MUCL1: variants seen among roughly 807,000 people sequenced by gnomAD.
MUCL1 encodes mucin-like protein 1.
A neutral mutation model predicts 9.2 loss-of-function variants in MUCL1; 11 were observed. The ratio of observed to expected loss-of-function variants is 1.19; its 90% CI spans 0.75 to 1.97. The LOEUF (loss-of-function observed/expected upper bound fraction) is 1.97. Among genes scored for constraint, MUCL1 ranks in the 30% most tolerant of loss-of-function variants. The pLI is 0.00. For synonymous variants in MUCL1, 48 were observed against 40.5 expected (o/e 1.19, Z -0.71); for missense variants, 144 against 110.9 (o/e 1.30, Z -1.34).
chr12:54,855,759 T>C (rs1868293970), intron 2 of MUCL1, among the ~76,000 whole-genome samples: 1 of 152,218 alleles, frequency 6.6e-6, no homozygotes, highest in Admixed American at 6.5e-5. Flanking sequence ...TTCTGTACTG[T>C]GTGTGTGTTG....
chr12:54,831,456 A>G (rs1959185253), intron 1 of MUCL1, among the ~76,000 whole-genome samples: 1 of 152,238 alleles, frequency 6.6e-6, no homozygotes, highest in South Asian at 2.1e-4. Context: ...AGAAACATAC[A>G]TTTATATTCT....
intron 2 of MUCL1, among the ~76,000 whole-genome samples, chr12:54,855,983 T>G (rs113552623): frequency 3.9e-4 from 60 of 152,318 alleles, no homozygotes; most frequent in African/African-American, 1.3e-3. Context: ...TTTGCTGAGG[T>G]GAGTCTAACT....
At chr12:54,832,032 G>A (rs759685346) in intron 1 of MUCL1, among the ~76,000 whole-genome samples, 1 of 152,046 alleles carries the variant, frequency 6.6e-6, no homozygotes, top group Non-Finnish European at 1.5e-5. Flanking sequence ...CGAGTATGAA[G>A]GATGTGTTTT....
upstream of MUCL1, among the ~76,000 whole-genome samples, chr12:54,834,775 G>A (rs552519918): frequency 5.6e-4 from 85 of 151,964 alleles, no homozygotes; most frequent in Middle Eastern, 3.4e-3. Flanking sequence ...AATTTTGGGG[G>A]TAAAAGTGGT....
At chr12:54,855,307 T>C (rs984125380) in intron 2 of MUCL1, 150 bp downstream of exon 2, 2 of 663,828 alleles carry the variant, frequency 3.0e-6, no homozygotes, top group Non-Finnish European at 5.3e-6. Flanking sequence ...GATTTTAAAA[T>C]TCACCACAAA....
chr12:54,844,186 T>C (rs1428984554), intron 1 of MUCL1, among the ~76,000 whole-genome samples: 1 of 152,202 alleles, frequency 6.6e-6, no homozygotes, highest in South Asian at 2.1e-4. Context: ...ATAAGATGAA[T>C]GTTTTTTCCT....
chr12:54,849,860 A>G (rs1268448628), upstream of MUCL1, among the ~76,000 whole-genome samples: 1 of 152,184 alleles, frequency 6.6e-6, no homozygotes, highest in Non-Finnish European at 1.5e-5. Context: ...ATATTATCAA[A>G]ATCCAATAAC....
chr12:54,851,903 C>T (rs928426914), upstream of MUCL1, among the ~76,000 whole-genome samples: 6 of 152,052 alleles, frequency 3.9e-5, no homozygotes, highest in African/African-American at 1.4e-4. Context: ...ACTCCCATTC[C>T]CAATTGCTTC....
upstream of MUCL1, among the ~76,000 whole-genome samples, chr12:54,851,465 G>A (rs970985877): frequency 7.3e-5 from 11 of 150,914 alleles, no homozygotes; most frequent in South Asian, 2.1e-4. Flanking sequence ...ACAACCCTTC[G>A]TGCTAAAAAC....
upstream of MUCL1, among the ~76,000 whole-genome samples, chr12:54,851,326 T>C (rs958415730): frequency 6.6e-6 from 1 of 152,192 alleles, no homozygotes; most frequent in Non-Finnish European, 1.5e-5. Context: ...CATCTTAAAT[T>C]AATCTCTGGG....
upstream of MUCL1, among the ~76,000 whole-genome samples, chr12:54,852,264 A>T (rs2135945209): frequency 6.6e-6 from 1 of 152,312 alleles, no homozygotes; most frequent in Non-Finnish European, 1.5e-5. Context: ...CTATACTACA[A>T]GGCTACAATA....
chr12:54,852,168 T>C (rs1326600264), upstream of MUCL1, among the ~76,000 whole-genome samples: 1 of 152,142 alleles, frequency 6.6e-6, no homozygotes, highest in Non-Finnish European at 1.5e-5. Context: ...TTAAAGTTCA[T>C]ATGGAAGCAA....
chr12:54,836,773 A>C (rs1332298810), upstream of MUCL1, among the ~76,000 whole-genome samples: 3 of 152,098 alleles, frequency 2.0e-5, no homozygotes, highest in Admixed American at 2.0e-4. Context: ...GGTTTTGATA[A>C]CTTGTGCAAC....
intron 3 of MUCL1, among the ~76,000 whole-genome samples, chr12:54,857,176 AG>A (rs1306771132): frequency 6.6e-6 from 1 of 151,176 alleles, no homozygotes; most frequent in African/African-American, 2.4e-5. Flanking sequence ...GACCAAAATA[AG>A]TGTCTCCATG....
At chr12:54,842,700 G>T (rs752911904) in intron 1 of MUCL1, among the ~76,000 whole-genome samples, 1 of 152,068 alleles carries the variant, frequency 6.6e-6, no homozygotes, top group Non-Finnish European at 1.5e-5. Flanking sequence ...TTGTTTTTCT[G>T]TAGATTGTTT....
chr12:54,845,224 T>C (rs1475567482), intron 1 of MUCL1, among the ~76,000 whole-genome samples: 3 of 152,164 alleles, frequency 2.0e-5, no homozygotes, highest in African/African-American at 7.2e-5. Context: ...TTTCATTGGG[T>C]ATACTTTGTT....
upstream of MUCL1, chr12:54,839,243 T>C: frequency 1.6e-6 from 1 of 627,310 alleles, no homozygotes; most frequent in Non-Finnish European, 2.9e-6. Flanking sequence ...ACTCAGCTAC[T>C]GGTTGTAGTA....
At chr12:54,851,182 A>G (rs1281025770), upstream of MUCL1, among the ~76,000 whole-genome samples, 1 of 152,026 alleles carries the variant, frequency 6.6e-6, no homozygotes, top group African/African-American at 2.4e-5. Context: ...CCATTTGTCA[A>G]TTTTGGTTTT....
rs1218098073 is a variant in MUCL1, at chr12:54,842,410, A to G, written c.43+2963A>G. ...TAATTGACAAAAATTGTTTATGTTT[A>G]TCATGTACAACATGTTTTGAAATTT... On this transcript the variant is annotated intron_variant, in intron 1 of 3. Coordinates refer to the MUCL1 transcript ENST00000546809. 3.3e-5 allele frequency among the ~76,000 whole-genome samples: 5 copies of G among 152,138 alleles called. No individual in the cohort carries two copies. In the East Asian group the frequency reaches 9.6e-4, roughly 29 times the overall value.
Sources: gnomAD v4.1 joint callset for allele counts (sites outside exome capture counted in the v4.1 genomes callset) on GRCh38, gnomAD v4.1.1 for gene constraint, MANE v1.5 for transcripts, NCBI Gene and HGNC (gene_info 2026-07-23, HGNC 2026-07-21) for gene names.